Variants in CPA6 observed in about 807,000 individuals in gnomAD.
The protein encoded by CPA6 is carboxypeptidase B.
In CPA6, 58 loss-of-function variants were observed where a neutral mutation model predicts 63.3. That is an observed-to-expected ratio of 0.92 (90% CI 0.74 to 1.14). The LOEUF is 1.14. Among genes scored for constraint, CPA6 ranks in the 50% most tolerant of loss-of-function variants. The pLI is 0.00. For synonymous variants in CPA6, 185 were observed against 179.0 expected (o/e 1.03, Z -0.27); for missense variants, 565 against 526.6 (o/e 1.07, Z -0.71).
intron 1 of CPA6, among the ~76,000 whole-genome samples, chr8:67,695,274 C>T (rs1816892499): frequency 6.6e-6 from 1 of 152,134 alleles, no homozygotes; most frequent in Admixed American, 6.5e-5. Flanking sequence ...TGGACTTCCA[C>T]TCACCAGGCC....
chr8:67,640,817 A>T (rs1815574603), intron 1 of CPA6, among the ~76,000 whole-genome samples: 1 of 151,582 alleles, frequency 6.6e-6, no homozygotes, highest in Non-Finnish European at 1.5e-5. Flanking sequence ...CCCCAGCAGC[A>T]GCAGTGGCAG....
intron 2 of CPA6, among the ~76,000 whole-genome samples, chr8:67,610,734 C>T (rs1814784234): frequency 6.6e-6 from 1 of 152,152 alleles, no homozygotes; most frequent in African/African-American, 2.4e-5. Context: ...TCCTTTCTCA[C>T]TATCAGCTGG....
chr8:67,688,891 A>C (rs760461377), intron 1 of CPA6, among the ~76,000 whole-genome samples: 30 of 152,322 alleles, frequency 2.0e-4, no homozygotes, highest in South Asian at 8.3e-4. Flanking sequence ...GATAAGATCT[A>C]GTATTTAAAA....
At chr8:67,596,697 T>C (rs1414167857) in intron 2 of CPA6, among the ~76,000 whole-genome samples, 3 of 152,224 alleles carry the variant, frequency 2.0e-5, no homozygotes, top group Non-Finnish European at 4.4e-5. Flanking sequence ...ATTCAAATTT[T>C]GCAAGTTATA....
At chr8:67,654,702 A>G (rs1815941451) in intron 1 of CPA6, among the ~76,000 whole-genome samples, 1 of 152,072 alleles carries the variant, frequency 6.6e-6, no homozygotes, top group Admixed American at 6.6e-5. Flanking sequence ...AGAGTTTTGT[A>G]CAGGATGTTG....
intron 1 of CPA6, among the ~76,000 whole-genome samples, chr8:67,663,703 C>T (rs1816168336): frequency 6.6e-6 from 1 of 152,162 alleles, no homozygotes. Context: ...GACATGATCT[C>T]ATTCCTTTTT....
At chr8:67,632,145 ATGC>A (rs1563369493) in intron 1 of CPA6, among the ~76,000 whole-genome samples, 1 of 107,056 alleles carries the variant, frequency 9.3e-6, no homozygotes, top group Non-Finnish European at 1.8e-5. Flanking sequence ...TTAAAAAATG[ATGC>A]TGTGTGTGTG....
chr8:67,605,946 T>C (rs770363607), intron 2 of CPA6, among the ~76,000 whole-genome samples: 25 of 152,234 alleles, frequency 1.6e-4, no homozygotes, highest in Non-Finnish European at 3.4e-4. Flanking sequence ...TCATCACTTC[T>C]GCTTCCTCTC....
chr8:67,745,517 A>C (rs1415496160), intron 1 of CPA6, among the ~76,000 whole-genome samples: 1 of 152,186 alleles, frequency 6.6e-6, no homozygotes, highest in East Asian at 1.9e-4. Flanking sequence ...TTTGAGTTGA[A>C]TCATTTGCAT....
At chr8:67,690,360 A>C (rs778341145) in intron 1 of CPA6, among the ~76,000 whole-genome samples, 6 of 152,216 alleles carry the variant, frequency 3.9e-5, no homozygotes, top group Non-Finnish European at 7.3e-5. Context: ...AATGAATATT[A>C]ATTACTATTA....
chr8:67,565,176 TTTTTTTG>T (rs1813308149), intron 2 of CPA6, among the ~76,000 whole-genome samples: 2 of 152,062 alleles, frequency 1.3e-5, no homozygotes, highest in African/African-American at 4.8e-5. Context: ...CTTTCTTTTT[TTTTTTTG>T]TTGTTGTTTT....
At chr8:67,687,009 G>T (rs1760505183) in intron 1 of CPA6, among the ~76,000 whole-genome samples, 1 of 152,190 alleles carries the variant, frequency 6.6e-6, no homozygotes, top group South Asian at 2.1e-4. Context: ...GAGGCCAAGA[G>T]AATCTCCCGG....
chr8:67,725,766 A>G (rs1817585385), intron 1 of CPA6, among the ~76,000 whole-genome samples: 1 of 152,118 alleles, frequency 6.6e-6, no homozygotes, highest in Admixed American at 6.5e-5. Flanking sequence ...GCCTCAAGCA[A>G]TCCTCCTGGT....
At chr8:67,548,980 G>A (rs1049136596) in intron 2 of CPA6, among the ~76,000 whole-genome samples, 5 of 152,222 alleles carry the variant, frequency 3.3e-5, no homozygotes, top group Non-Finnish European at 5.9e-5. Flanking sequence ...TTGTGAGACA[G>A]AATAGAATTT....
At chr8:67,589,784 G>T (rs1226177794) in intron 2 of CPA6, among the ~76,000 whole-genome samples, 1 of 151,882 alleles carries the variant, frequency 6.6e-6, no homozygotes, top group Non-Finnish European at 1.5e-5. Context: ...CTTCCCCCTA[G>T]GCACACTCTC....
chr8:67,463,186 G>A (rs1180043829), intron 8 of CPA6, among the ~76,000 whole-genome samples: 1 of 152,180 alleles, frequency 6.6e-6, no homozygotes, highest in Non-Finnish European at 1.5e-5. Context: ...GCTCATGCCT[G>A]TAATCCCAGC....
At chr8:67,618,740 T>C (rs1213709013) in intron 2 of CPA6, among the ~76,000 whole-genome samples, 1 of 152,190 alleles carries the variant, frequency 6.6e-6, no homozygotes, top group Non-Finnish European at 1.5e-5. Context: ...AGTGTGTCAA[T>C]TGTATAATGG....
intron 2 of CPA6, among the ~76,000 whole-genome samples, chr8:67,523,372 TA>T (rs1371061743): frequency 1.3e-5 from 2 of 151,820 alleles, no homozygotes; most frequent in African/African-American, 2.4e-5. Flanking sequence ...ACTAAAAATA[TA>T]AAAAAATTAG....
intron 10 of CPA6, among the ~76,000 whole-genome samples, chr8:67,425,481 T>A (rs1337452519): frequency 1.3e-5 from 2 of 152,240 alleles, no homozygotes; most frequent in African/African-American, 4.8e-5. Flanking sequence ...TTCAAGAGAT[T>A]CTCCTGCCTC....
Sources: gnomAD v4.1 joint callset for allele counts (sites outside exome capture counted in the v4.1 genomes callset) on GRCh38, gnomAD v4.1.1 for gene constraint, MANE v1.5 for transcripts, NCBI Gene and HGNC (gene_info 2026-07-23, HGNC 2026-07-21) for gene names.